TMCC1: variants seen among roughly 807,000 people sequenced by gnomAD.
TMCC1 encodes transmembrane and coiled-coil domains protein 1.
In TMCC1, 15 loss-of-function variants were observed where a neutral mutation model predicts 52.4. That is an observed-to-expected ratio of 0.29 (90% confidence interval 0.19 to 0.44). The LOEUF (loss-of-function observed/expected upper bound fraction) is 0.44, where lower values mean the gene tolerates loss of function less well. Ranked by LOEUF, TMCC1 falls within the 20% of genes least tolerant of loss-of-function variation. The probability of loss-of-function intolerance (pLI) is 1.00; values close to 1 mark genes in which losing one functional copy is unlikely to be tolerated. For missense variants in TMCC1, 503 were observed against 806.0 expected (o/e 0.62, Z 4.55); for synonymous variants, 279 against 301.9 (o/e 0.92, Z 0.79).
At chr3:129,807,568 C>A (rs549594770) in intron 4 of TMCC1, among the ~76,000 whole-genome samples, 2 of 152,174 alleles carry the variant, frequency 1.3e-5, no homozygotes, top group Middle Eastern at 6.8e-3. Flanking sequence ...TGTACAACTT[C>A]AGGACAACAG....
chr3:129,785,560 TACACACAC>T (rs10656814), intron 4 of TMCC1, among the ~76,000 whole-genome samples: 150 of 146,158 alleles, frequency 1.0e-3, no homozygotes, highest in African/African-American at 3.5e-3. Flanking sequence ...TCAATATACA[TACACACAC>T]ACACACACAC....
intron 4 of TMCC1, among the ~76,000 whole-genome samples, chr3:129,727,785 C>G (rs936419979): frequency 6.6e-6 from 1 of 152,182 alleles, no homozygotes; most frequent in African/African-American, 2.4e-5. Flanking sequence ...GTCTTCTTCC[C>G]ATACTGACTT....
chr3:129,866,364 TTA>T (rs1249286467), intron 2 of TMCC1, among the ~76,000 whole-genome samples: 149 of 142,168 alleles, frequency 1.0e-3, no homozygotes, highest in African/African-American at 3.3e-3. Context: ...AATATATATT[TTA>T]TATATATATA....
chr3:129,871,513 A>C (rs1268033127), intron 2 of TMCC1, among the ~76,000 whole-genome samples: 2 of 152,142 alleles, frequency 1.3e-5, no homozygotes, highest in African/African-American at 2.4e-5. Context: ...ATCATTTATA[A>C]ATTTTTTGGT....
intron 4 of TMCC1, among the ~76,000 whole-genome samples, chr3:129,787,334 C>T (rs947171495): frequency 4.5e-4 from 68 of 152,148 alleles, no homozygotes; most frequent in African/African-American, 1.6e-3. Flanking sequence ...ATTCTTCTCA[C>T]ACTAAATTTC....
intron 2 of TMCC1, among the ~76,000 whole-genome samples, chr3:129,843,480 T>C (rs975902779): frequency 2.6e-5 from 4 of 152,076 alleles, no homozygotes; most frequent in Non-Finnish European, 5.9e-5. Flanking sequence ...GATAAACTTA[T>C]AGCCAGGCTA....
chr3:129,794,685 G>A (rs1012738240), intron 4 of TMCC1, among the ~76,000 whole-genome samples: 2 of 152,012 alleles, frequency 1.3e-5, no homozygotes, highest in African/African-American at 2.4e-5. Context: ...ACCAGTAGGC[G>A]AGGATGCCGC....
intron 5 of TMCC1, among the ~76,000 whole-genome samples, chr3:129,660,077 G>T (rs1431180076): frequency 6.6e-6 from 1 of 152,184 alleles, no homozygotes; most frequent in African/African-American, 2.4e-5. Flanking sequence ...CAAAAAGATT[G>T]CTTGTTGACT....
Position 129,846,164 on chromosome 3 carries a change from C to G in TMCC1, c.-183-13338G>C, listed in dbSNP as rs763092514. 1.1e-4 allele frequency among the ~76,000 whole-genome samples: 17 copies of G among 151,832 alleles called. 1 individual carries two copies. Among genetic ancestry groups the G allele is most frequent in the Non-Finnish European group, 2.1e-4 (14 of 67,970 alleles). On this transcript the variant is annotated intron_variant, in intron 2 of 6. Coordinates refer to ENST00000393238, the MANE Select transcript of TMCC1 (RefSeq NM_001017395.5). The stretch of plus-strand genomic sequence containing the variant: ...GCCAAAAGGCGTTGGGGGAAAAATT[C>G]TCTTTTGGGCTGGGCATGGTGACTC...
chr3:129,794,887 C>T (rs1420531539), intron 4 of TMCC1, among the ~76,000 whole-genome samples: 1 of 152,124 alleles, frequency 6.6e-6, no homozygotes, highest in Non-Finnish European at 1.5e-5. Flanking sequence ...TCTCTACCTC[C>T]ACCTTAGGTA....
At chr3:129,869,549 G>A (rs952092821) in intron 2 of TMCC1, among the ~76,000 whole-genome samples, 1 of 152,076 alleles carries the variant, frequency 6.6e-6, no homozygotes, top group African/African-American at 2.4e-5. Flanking sequence ...CCTTTAACTT[G>A]AGATCTGACA....
At chr3:129,802,055 T>A (rs2057228882) in intron 4 of TMCC1, among the ~76,000 whole-genome samples, 1 of 152,242 alleles carries the variant, frequency 6.6e-6, no homozygotes, top group South Asian at 2.1e-4. Flanking sequence ...CTACCTTACA[T>A]AGAGCAGACA....
intron 4 of TMCC1, among the ~76,000 whole-genome samples, chr3:129,741,892 C>A (rs961416558): frequency 6.6e-6 from 1 of 152,092 alleles, no homozygotes; most frequent in African/African-American, 2.4e-5. Context: ...CTCTCTGATT[C>A]AAATATCTTA....
intron 4 of TMCC1, among the ~76,000 whole-genome samples, chr3:129,801,970 G>A (rs1263857807): frequency 3.3e-5 from 5 of 152,112 alleles, no homozygotes; most frequent in South Asian, 4.2e-4. Context: ...TAGTGTTTCC[G>A]GCATCAGAGC....
At position 129,764,757 on chromosome 3, in the gene TMCC1, GTATATA is replaced by G. The variant is rs869170594; in HGVS notation, c.576+63040_576+63045del. Reference sequence around the variant, plus strand: ...ATTGTGTGTGTGTGTGTGTGTGTGTGTATATATATATATATATATATATATATATAT... The same window carrying G: ...ATTGTGTGTGTGTGTGTGTGTGTGTGTATATATATATATATATATATATAT... On this transcript the variant is annotated intron_variant, in intron 4 of 6. Transcript: ENST00000393238. Among the ~76,000 whole-genome samples, 226 of 73,280 alleles carry G rather than the reference GTATATA, an allele frequency of 3.1e-3. 1 individual carries two copies. The highest frequency in any genetic ancestry group is 6.8e-3 in the African/African-American group (68 of 10,046). 48.1% of individuals were successfully genotyped at this position (73,280 alleles called of 152,430 possible).
chr3:129,692,011 T>A (rs1417829120), intron 4 of TMCC1, among the ~76,000 whole-genome samples: 3 of 152,182 alleles, frequency 2.0e-5, no homozygotes. Flanking sequence ...AGATTCTTCT[T>A]ACAGATTCTA....
At chr3:129,704,132 G>A (rs906244602) in intron 4 of TMCC1, among the ~76,000 whole-genome samples, 3 of 152,198 alleles carry the variant, frequency 2.0e-5, no homozygotes, top group African/African-American at 7.2e-5. Context: ...TCCATCCTAA[G>A]AGAATGATGA....
At chr3:129,789,992 A>G (rs2056341520) in intron 4 of TMCC1, among the ~76,000 whole-genome samples, 1 of 152,210 alleles carries the variant, frequency 6.6e-6, no homozygotes. Context: ...AGGCCAACCC[A>G]AGACATATTG....
chr3:129,660,057 C>T lies in TMCC1; in HGVS notation c.1512-4954G>A, dbSNP rs571923388. Among the ~76,000 whole-genome samples the T allele has an allele frequency of 2.6e-5, 4 of 152,290 alleles. No individual in the cohort carries two copies. The East Asian group carries it at 5.8e-4, about 22-fold the overall frequency. On this transcript the variant is annotated intron_variant, in intron 5 of 6. Coordinates refer to ENST00000393238, the MANE Select transcript of TMCC1 (RefSeq NM_001017395.5). Reference sequence around the variant, plus strand: ...CCTAGTTCTCCCCAACAATCCCTAGCGAGGTAGTTCAAAAAGATTGCTTGT... The same window carrying T: ...CCTAGTTCTCCCCAACAATCCCTAGTGAGGTAGTTCAAAAAGATTGCTTGT...
Sources: gnomAD v4.1 joint callset for allele counts (sites outside exome capture counted in the v4.1 genomes callset) on GRCh38, gnomAD v4.1.1 for gene constraint, MANE v1.5 for transcripts, NCBI Gene and HGNC (gene_info 2026-07-23, HGNC 2026-07-21) for gene names.